MS4A5: variants seen among roughly 807,000 people sequenced by gnomAD.
MS4A5 encodes membrane spanning 4-domains A5, also known as membrane-spanning 4-domains subfamily A member 5.
Under a neutral mutation model 18.2 loss-of-function variants are expected in MS4A5, and 15 were observed. The observed-to-expected ratio is 0.83, with a 90% confidence interval of 0.55 to 1.27. MS4A5 has a LOEUF of 1.27. MS4A5 is among the 50% of genes most tolerant of loss of function. MS4A5 has a pLI of 0.00. For synonymous variants in MS4A5, 89 were observed against 78.7 expected (o/e 1.13, Z -0.69); for missense variants, 232 against 225.7 (o/e 1.03, Z -0.18).
chr11:60,429,941 ATG>A, intron 1 of MS4A5, 114 bp downstream of exon 1: 1 of 999,876 alleles, frequency 1.0e-6, no homozygotes, highest in Non-Finnish European at 1.4e-6. Context: ...CTTTAAGACA[ATG>A]TGAATATAGA....
At chr11:60,435,670 G>A (rs576136316) in intron 4 of MS4A5, among the ~76,000 whole-genome samples, 9 of 152,282 alleles carry the variant, frequency 5.9e-5, no homozygotes, top group East Asian at 1.9e-4. Flanking sequence ...AAGGGGTGAC[G>A]GACGGCACCT....
chr11:60,436,960 C>T lies in MS4A5; in HGVS notation c.492+3043C>T. Among the ~76,000 whole-genome samples, 2 of 132,472 alleles carry T rather than the reference C, an allele frequency of 1.5e-5. 1 individual carries two copies. The highest frequency in any genetic ancestry group is 3.3e-5 in the Non-Finnish European group (2 of 59,892). 86.9% of individuals were successfully genotyped at this position (132,472 alleles called of 152,430 possible). On this transcript the variant is annotated intron_variant, in intron 4 of 4. Transcript: ENST00000300190. ...CTCCTCGAGAAAAGCAACTCCAAGA[C>T]ACATAATTGTGAGATTCACCAAAGT...
intron 1 of MS4A5, among the ~76,000 whole-genome samples, chr11:60,430,545 T>G (rs921999618): frequency 5.9e-5 from 9 of 152,196 alleles, no homozygotes; most frequent in African/African-American, 1.9e-4. Flanking sequence ...AGCTCCCAAG[T>G]GATCCTGATG....
rs1187935916 is a variant in MS4A5 at position 60,433,906 on chromosome 11, G to A, written c.481G>A (p.Val161Ile). 6.2e-7 allele frequency: 1 copy of A among 1,613,748 alleles called. No homozygotes were observed. Among genetic ancestry groups the A allele is most frequent in the Non-Finnish European group, 8.5e-7 (1 of 1,179,922 alleles). ...HQNSQCKAVT[V>I]LFLGILITLM... ...AAATAGTCAGTGTAAGGCTGTTACT[G>A]TCCTGTTCTTGGTAAGTATGTTGCA... The change falls in exon 4 of 5, where the codon GTC becomes ATC. Residue 161 changes from valine to isoleucine, a missense_variant. Transcript: ENST00000300190.
rs2086118675 is a variant in MS4A5 at position 60,442,489 on chromosome 11, G to T, written c.493-5160G>T. On this transcript the variant is annotated intron_variant, in intron 4 of 4. Transcript: ENST00000300190. The stretch of plus-strand genomic sequence containing the variant: ...GGAATATCACACACCAAGGCCTGTT[G>T]GGGGGTAGTGGGACAAGGGGAGGGA... 2.0e-5 allele frequency among the ~76,000 whole-genome samples: 3 copies of T among 152,060 alleles called. 1 individual carries two copies. The South Asian group carries it at 6.2e-4, about 32-fold the overall frequency.
At chr11:60,433,696 G>C in intron 3 of MS4A5, 69 bp from the exon 4 acceptor site, 3 of 1,464,884 alleles carry the variant, frequency 2.0e-6, no homozygotes. Flanking sequence ...TCCATTCTCC[G>C]CACTCATTGC....
chr11:60,437,368 C>T (rs28884309), intron 4 of MS4A5, among the ~76,000 whole-genome samples: 30,479 of 137,168 alleles, frequency 0.22, 2,923 homozygotes, highest in Admixed American at 0.32. Context: ...CATCAACTAA[C>T]GAGCAAAATA....
At chr11:60,445,054 T>C (rs1011008073) in intron 4 of MS4A5, among the ~76,000 whole-genome samples, 2 of 151,700 alleles carry the variant, frequency 1.3e-5, no homozygotes, top group Non-Finnish European at 2.9e-5. Flanking sequence ...CAGAGGAGCA[T>C]GAATGAATTT....
chr11:60,429,808 G>GA lies in MS4A5; in HGVS notation c.139dup (p.Met47AsnfsTer51). 6.2e-7 allele frequency: 1 copy of GA among 1,613,644 alleles called. No homozygotes were observed. Among genetic ancestry groups the GA allele is most frequent in the South Asian group, 1.1e-5 (1 of 91,018 alleles). On this transcript the variant is annotated frameshift_variant, in exon 1 of 5. Coordinates refer to ENST00000300190, the MANE Select transcript of MS4A5 (RefSeq NM_023945.3). LOFTEE classifies it high-confidence loss of function. ...AGCCCCTTGCAAAAATTATTTGCTAGAAAAATGAAAATCTTAGGGGTAAGT... is the reference window on the plus strand; with the variant it reads ...AGCCCCTTGCAAAAATTATTTGCTAGAAAAAATGAAAATCTTAGGGGTAAGT...
intron 4 of MS4A5, among the ~76,000 whole-genome samples, chr11:60,441,719 T>G (rs2086113752): frequency 6.6e-6 from 1 of 150,984 alleles, no homozygotes; most frequent in African/African-American, 2.4e-5. Context: ...GTAAAACTAT[T>G]ATGTACCCAT....
intron 2 of MS4A5, 38 bp from the exon 3 acceptor site, chr11:60,432,373 A>G (rs1445289979): frequency 7.2e-7 from 1 of 1,391,982 alleles, no homozygotes; most frequent in Non-Finnish European, 1.0e-6. Flanking sequence ...ACATCAGCTA[A>G]ACATGGTCAT....
intron 4 of MS4A5, among the ~76,000 whole-genome samples, 156 bp downstream of exon 4, chr11:60,434,073 C>A (rs72926671): frequency 0.013 from 1,985 of 152,110 alleles, 15 homozygotes; most frequent in Middle Eastern, 0.031. Context: ...AGACATTACA[C>A]CAGGCATTGT....
chr11:60,444,762 C>T (rs1395735843), intron 4 of MS4A5, among the ~76,000 whole-genome samples: 2 of 152,082 alleles, frequency 1.3e-5, no homozygotes, highest in South Asian at 2.1e-4. Flanking sequence ...CCACCAATAC[C>T]GGGTGTTGGA....
At chr11:60,436,146 C>G (rs1021209605) in intron 4 of MS4A5, among the ~76,000 whole-genome samples, 10 of 151,890 alleles carry the variant, frequency 6.6e-5, no homozygotes, top group African/African-American at 2.4e-4. Flanking sequence ...AACTGGGAGG[C>G]ACCCCCCAGC....
intron 4 of MS4A5, among the ~76,000 whole-genome samples, chr11:60,436,031 T>G (rs1487013717): frequency 6.6e-6 from 1 of 152,182 alleles, no homozygotes; most frequent in East Asian, 1.9e-4. Flanking sequence ...TAAATGTCCC[T>G]GTCTGACAGC....
In MS4A5 at chr11:60,436,812, T is replaced by C. The variant is rs1364934920; in HGVS notation, c.492+2895T>C. On this transcript the variant is annotated intron_variant, in intron 4 of 4. Transcript: ENST00000300190. Reference sequence around the variant, plus strand: ...TACATCTGATTGGTGTACCTAAAAGTGATGGGGAGAATGGAACCAAGTTGG... The same window carrying C: ...TACATCTGATTGGTGTACCTAAAAGCGATGGGGAGAATGGAACCAAGTTGG... 6.6e-5 allele frequency among the ~76,000 whole-genome samples: 9 copies of C among 135,942 alleles called. 2 individuals carry two copies. The highest frequency in any genetic ancestry group is 1.1e-4 in the Non-Finnish European group (7 of 61,002). 89.2% of individuals were successfully genotyped at this position (135,942 alleles called of 152,430 possible).
intron 2 of MS4A5, among the ~76,000 whole-genome samples, chr11:60,431,279 T>G (rs1280865314): frequency 2.6e-5 from 4 of 152,212 alleles, no homozygotes; most frequent in African/African-American, 9.7e-5. Context: ...TCACTTCAAG[T>G]CAGTGTGATA....
rs888428240 is a variant in MS4A5 at position 60,429,616 on chromosome 11, A to T, written c.-59A>T. On this transcript the variant is annotated 5_prime_UTR_variant, in exon 1 of 5. It removes an upstream start codon present in the reference 5' UTR. Coordinates refer to ENST00000300190, the MANE Select transcript of MS4A5 (RefSeq NM_023945.3). ...GGCAGCCTCAGCACAAGAAAAGAACATGGTCTAGACTGAAGTACCAACTAA... is the reference window on the plus strand; with the variant it reads ...GGCAGCCTCAGCACAAGAAAAGAACTTGGTCTAGACTGAAGTACCAACTAA... 3.3e-6 allele frequency: 5 copies of T among 1,515,706 alleles called. No homozygotes were observed. Among genetic ancestry groups the T allele is most frequent in the Non-Finnish European group, 4.4e-6 (5 of 1,128,468 alleles). 93.9% of individuals were successfully genotyped at this position (1,515,706 alleles called of 1,614,324 possible). A position where few individuals can be genotyped will look rare whatever the true frequency, so the allele number is the denominator to read the frequency against.
At chr11:60,433,642 G>A (rs2086063318) in intron 3 of MS4A5, 123 bp from the exon 4 acceptor site, 1 of 881,612 alleles carries the variant, frequency 1.1e-6, no homozygotes, top group Non-Finnish European at 1.8e-6. Flanking sequence ...CAGGATCACA[G>A]AGCTGCCTCG....
Sources: allele counts gnomAD v4.1 joint callset (sites outside exome capture counted in the v4.1 genomes callset), GRCh38; gene constraint gnomAD v4.1.1; transcripts MANE v1.5; gene names NCBI Gene and HGNC (gene_info 2026-07-23, HGNC 2026-07-21).